PIAS1: variants seen among roughly 807,000 people sequenced by gnomAD.
PIAS1 encodes the protein protein inhibitor of activated STAT 1.
In PIAS1, 6 loss-of-function variants were observed where a neutral mutation model predicts 71.3. The observed-to-expected ratio is 0.08, with a 90% confidence interval of 0.05 to 0.17. The LOEUF is 0.17. PIAS1 is among the 10% of genes least tolerant of loss of function. The pLI, the probability that PIAS1 is intolerant of heterozygous loss-of-function variation, is 1.00. For missense variants in PIAS1, 555 were observed against 793.6 expected (o/e 0.70, Z 3.61); for synonymous variants, 303 against 292.9 (o/e 1.03, Z -0.35).
At position 68,120,962 on chromosome 15, in the gene PIAS1, G is replaced by T. The variant is rs140734432; in HGVS notation, c.470-20984G>T. 6.1e-3 allele frequency among the ~76,000 whole-genome samples: 931 copies of T among 152,276 alleles called. 4 individuals are homozygous for T. Among genetic ancestry groups the T allele is most frequent in the East Asian group, 0.032 (168 of 5,184 alleles). ...ACTTCTATAAAAGTTTTAAACTGCA[G>T]TATGTTGTTGTTATTTTTGCTTTAA... On this transcript the variant is annotated intron_variant, in intron 2 of 13. Transcript: ENST00000249636.
chr15:68,123,985 C>T (rs1595744371), intron 2 of PIAS1, among the ~76,000 whole-genome samples: 1 of 148,076 alleles, frequency 6.8e-6, no homozygotes, highest in African/African-American at 2.5e-5. Flanking sequence ...TGTGAATATA[C>T]ACACACACAC....
At chr15:68,145,513 T>A (rs548078833) in intron 4 of PIAS1, among the ~76,000 whole-genome samples, 1 of 152,190 alleles carries the variant, frequency 6.6e-6, no homozygotes, top group East Asian at 1.9e-4. Context: ...TCTTTTTTTC[T>A]TTTAACATCT....
chr15:68,060,806 C>T (rs2091950058), intron 1 of PIAS1, among the ~76,000 whole-genome samples: 2 of 152,174 alleles, frequency 1.3e-5, no homozygotes. Context: ...GCCTCAGCCT[C>T]CCGAGTAGCT....
chr15:68,138,466 A>C (rs564137225), intron 2 of PIAS1, among the ~76,000 whole-genome samples: 1 of 151,892 alleles, frequency 6.6e-6, no homozygotes, highest in Non-Finnish European at 1.5e-5. Context: ...CTGTCACTTT[A>C]TTTATTTATT....
chr15:68,132,299 A>G (rs1203632761), intron 2 of PIAS1, among the ~76,000 whole-genome samples: 1 of 151,524 alleles, frequency 6.6e-6, no homozygotes, highest in South Asian at 2.1e-4. Context: ...TAACACGGTG[A>G]TACTCCGTCT....
intron 2 of PIAS1, among the ~76,000 whole-genome samples, chr15:68,128,634 T>G (rs1412152324): frequency 1.3e-5 from 2 of 150,282 alleles, no homozygotes; most frequent in African/African-American, 2.4e-5. Flanking sequence ...AATATGACTG[T>G]TTTTTATTAG....
rs2093032597 is a variant in PIAS1, at chr15:68,178,301, A to G, written c.1481+1647A>G. Among the ~76,000 whole-genome samples, 1 of 152,206 alleles carries G rather than the reference A, an allele frequency of 6.6e-6. No individual in the cohort carries two copies. Among genetic ancestry groups the G allele is most frequent in the South Asian group, 2.1e-4 (1 of 4,826 alleles). On this transcript the variant is annotated intron_variant, in intron 11 of 13. Coordinates refer to ENST00000249636, the MANE Select transcript of PIAS1 (RefSeq NM_016166.3). This position sits in a 1 kb window ranked among gnomAD's most constrained non-coding sequence, Gnocchi z 4.2. ...AAATAAGATTTCAGTCAAACATTTC[A>G]CACATCGGTATTTTCATTCTACAGT...
In PIAS1 at chr15:68,086,823, C is replaced by T. The variant is rs1179735423; in HGVS notation, c.469+73C>T. ...TTCGTTTTAGGCTTTTACTTTGACC[C>T]AGTTTATTATTCATAATGAAATTTT... On this transcript the variant is annotated intron_variant, in intron 2 of 13. Transcript: ENST00000249636. The surrounding 1 kb of genome is among the most constrained non-coding windows in gnomAD (Gnocchi z 7.2). 2.5e-6 allele frequency: 2 copies of T among 804,526 alleles called. No individual in the cohort carries two copies. Among genetic ancestry groups the T allele is most frequent in the African/African-American group, 3.4e-5 (2 of 58,112 alleles). The allele number at this position is 804,526 out of a possible 1,614,324, so 49.8% of individuals were successfully genotyped here. A position where few individuals can be genotyped will look rare whatever the true frequency, so the allele number is the denominator to read the frequency against.
intron 1 of PIAS1, among the ~76,000 whole-genome samples, chr15:68,063,910 TA>T (rs34757549): frequency 0.024 from 3,622 of 150,006 alleles, 75 homozygotes; most frequent in Non-Finnish European, 0.035. Context: ...CACTTGGAAT[TA>T]AAAAAAAAAA....
Position 68,086,722 on chromosome 15 carries a change from G to C in PIAS1, c.441G>C (p.Leu147=), listed in dbSNP as rs1402963205. ...AAAAATTACCATTTTATGATTTACTGGATGAACTGATAAAACCCACCAGTC... is the reference window on the plus strand; with the variant it reads ...AAAAATTACCATTTTATGATTTACTCGATGAACTGATAAAACCCACCAGTC... ...KLQKLPFYDL[L]DELIKPTSLA... is the part of the protein sequence containing the mutation. The change falls in exon 2 of 14, where the codon CTG becomes CTC. Residue 147 remains leucine, a synonymous_variant. Transcript: ENST00000249636. The surrounding 1 kb of genome is among the most constrained non-coding windows in gnomAD (Gnocchi z 7.2). 3 of 1,611,346 alleles carry C rather than the reference G, an allele frequency of 1.9e-6. No individual in the cohort carries two copies. Among genetic ancestry groups the C allele is most frequent in the Non-Finnish European group, 2.5e-6 (3 of 1,177,590 alleles).
chr15:68,066,644 T>A (rs1296728324), intron 1 of PIAS1, among the ~76,000 whole-genome samples: 2 of 152,176 alleles, frequency 1.3e-5, no homozygotes, highest in African/African-American at 4.8e-5. Flanking sequence ...TGCATTTCTT[T>A]AGAGTGGTGT....
intron 1 of PIAS1, among the ~76,000 whole-genome samples, chr15:68,056,217 A>G (rs1343950577): frequency 1.3e-5 from 2 of 152,258 alleles, no homozygotes; most frequent in Admixed American, 1.3e-4. Context: ...GTTGTTATAC[A>G]TGGACCATAG....
chr15:68,069,065 T>G (rs1246384509), intron 1 of PIAS1, among the ~76,000 whole-genome samples: 1 of 151,610 alleles, frequency 6.6e-6, no homozygotes, highest in Non-Finnish European at 1.5e-5. Context: ...CCAGCTAATT[T>G]TTGTATTTTT....
chr15:68,179,564 C>CTTT (rs766344324), intron 11 of PIAS1, among the ~76,000 whole-genome samples: 989 of 40,052 alleles, frequency 0.025, 304 homozygotes, highest in Non-Finnish European at 0.03. Context: ...GTGAAATGTT[C>CTTT]TTTTTTTTTT....
Position 68,086,062 on chromosome 15 carries a change from C to T in PIAS1, c.25-244C>T, listed in dbSNP as rs1346693028. Among the ~76,000 whole-genome samples the T allele has an allele frequency of 1.3e-5, 2 of 152,152 alleles. No individual in the cohort carries two copies. Among genetic ancestry groups the T allele is most frequent in the African/African-American group, 4.8e-5 (2 of 41,436 alleles). On this transcript the variant is annotated intron_variant, in intron 1 of 13. Coordinates refer to ENST00000249636, the MANE Select transcript of PIAS1 (RefSeq NM_016166.3). The surrounding 1 kb of genome is among the most constrained non-coding windows in gnomAD (Gnocchi z 7.2). ...GAGGTGTGGTTTTCCCTGGTGTATACTTTATCCTATATTTCTTATAACCAA... is the reference window on the plus strand; with the variant it reads ...GAGGTGTGGTTTTCCCTGGTGTATATTTTATCCTATATTTCTTATAACCAA...
intron 7 of PIAS1, among the ~76,000 whole-genome samples, chr15:68,163,131 A>G (rs559113715): frequency 2.6e-3 from 395 of 152,360 alleles, no homozygotes; most frequent in Non-Finnish European, 4.7e-3. Flanking sequence ...CAACACAGTG[A>G]GTAATCACAT....
chr15:68,159,001 A>G (rs1048528390), intron 7 of PIAS1, among the ~76,000 whole-genome samples: 6 of 152,206 alleles, frequency 3.9e-5, no homozygotes, highest in Non-Finnish European at 7.3e-5. Context: ...TAACTCCTGT[A>G]GCTCATGACA....
intron 7 of PIAS1, 100 bp from the exon 8 acceptor site, chr15:68,164,631 C>T (rs1184496441): frequency 1.7e-6 from 1 of 573,260 alleles, no homozygotes; most frequent in East Asian, 2.9e-5. Context: ...AATAATTGAA[C>T]AGATTTGTTT....
chr15:68,078,769 GAT>G (rs1023043962), intron 1 of PIAS1, among the ~76,000 whole-genome samples: 5 of 152,118 alleles, frequency 3.3e-5, no homozygotes, highest in African/African-American at 1.2e-4. Context: ...GATTAAATAA[GAT>G]AATCATGCTT....
Sources: allele counts gnomAD v4.1 joint callset (sites outside exome capture counted in the v4.1 genomes callset), GRCh38; gene constraint gnomAD v4.1.1; non-coding constraint Gnocchi (gnomAD v3.1); transcripts MANE v1.5; gene names NCBI Gene and HGNC (gene_info 2026-07-23, HGNC 2026-07-21).